The following ROBO1 variants were observed in gnomAD, a reference collection of about 807,000 sequenced individuals.
ROBO1 encodes the protein roundabout guidance receptor 1, also known as roundabout homolog 1.
In ROBO1, 149 loss-of-function variants were observed where a neutral mutation model predicts 195.9. The ratio of observed to expected loss-of-function variants is 0.76; its 90% CI spans 0.67 to 0.87. The LOEUF (loss-of-function observed/expected upper bound fraction) is 0.87. ROBO1 is among the 40% of genes least tolerant of loss of function. The probability of loss-of-function intolerance (pLI) is 0.00; values close to 1 mark genes in which losing one functional copy is unlikely to be tolerated. For synonymous variants in ROBO1, 816 were observed against 733.2 expected (o/e 1.11, Z -1.82); for missense variants, 1,933 against 2,068.3 (o/e 0.93, Z 1.27).
At chr3:78,775,830 A>G (rs1299683186) in intron 4 of ROBO1, among the ~76,000 whole-genome samples, 2 of 152,188 alleles carry the variant, frequency 1.3e-5, no homozygotes, top group African/African-American at 4.8e-5. Context: ...CAGTTGCCTT[A>G]GCTGTTGATT....
At chr3:79,313,600 T>G (rs1309050293) in intron 2 of ROBO1, among the ~76,000 whole-genome samples, 1 of 152,304 alleles carries the variant, frequency 6.6e-6, no homozygotes, top group South Asian at 2.1e-4. Context: ...AGAAAGATTA[T>G]ATATTGATCT....
chr3:78,705,909 C>A (rs2081539663), intron 8 of ROBO1, among the ~76,000 whole-genome samples: 1 of 152,066 alleles, frequency 6.6e-6, no homozygotes, highest in African/African-American at 2.4e-5. Flanking sequence ...TTGACCCCCC[C>A]ATACCAATAC....
At chr3:79,232,659 C>G (rs2082341062) in intron 2 of ROBO1, among the ~76,000 whole-genome samples, 1 of 152,046 alleles carries the variant, frequency 6.6e-6, no homozygotes, top group South Asian at 2.1e-4. Context: ...AAAGATTATT[C>G]AACTTTCCAT....
intron 2 of ROBO1, among the ~76,000 whole-genome samples, chr3:79,268,379 A>G (rs1346437681): frequency 6.6e-6 from 1 of 151,670 alleles, no homozygotes; most frequent in Non-Finnish European, 1.5e-5. Flanking sequence ...TTCAATTTCA[A>G]AAGTAAAAAC....
intron 3 of ROBO1, among the ~76,000 whole-genome samples, chr3:79,001,148 C>T (rs2108132464): frequency 6.6e-6 from 1 of 152,086 alleles, no homozygotes; most frequent in South Asian, 2.1e-4. Context: ...GGAGGGAGAG[C>T]ATTAGGACAA....
At chr3:79,164,907 A>C (rs2081035798) in intron 2 of ROBO1, among the ~76,000 whole-genome samples, 1 of 152,156 alleles carries the variant, frequency 6.6e-6, no homozygotes, top group Admixed American at 6.5e-5. Context: ...ATTTTTCTCA[A>C]ATATTACCTT....
chr3:79,183,466 G>A (rs1025529336), intron 2 of ROBO1, among the ~76,000 whole-genome samples: 1 of 152,240 alleles, frequency 6.6e-6, no homozygotes, highest in Non-Finnish European at 1.5e-5. Context: ...TTGAGGAATG[G>A]AAAATGTAGC....
chr3:78,653,006 C>T (rs1237594588), intron 18 of ROBO1, among the ~76,000 whole-genome samples: 1 of 152,066 alleles, frequency 6.6e-6, no homozygotes, highest in African/African-American at 2.4e-5. Context: ...GTTCTTCCCC[C>T]ACCACATCTG....
chr3:78,671,137 C>A (rs564553563), intron 10 of ROBO1, among the ~76,000 whole-genome samples: 54 of 152,106 alleles, frequency 3.6e-4, no homozygotes, highest in Admixed American at 1.0e-3. Context: ...ATACAATTAA[C>A]CCTATGATTA....
intron 3 of ROBO1, among the ~76,000 whole-genome samples, chr3:79,051,322 T>A (rs545254253): frequency 6.6e-6 from 1 of 152,242 alleles, no homozygotes; most frequent in Non-Finnish European, 1.5e-5. Flanking sequence ...ATGGATAAAT[T>A]CCTGGACACA....
At chr3:79,480,765 G>A (rs1392888260) in intron 2 of ROBO1, among the ~76,000 whole-genome samples, 1 of 151,994 alleles carries the variant, frequency 6.6e-6, no homozygotes, top group Middle Eastern at 3.2e-3. Flanking sequence ...TTTATGTGTG[G>A]GGATATTATC....
At chr3:79,217,232 G>T (rs752645181) in intron 2 of ROBO1, among the ~76,000 whole-genome samples, 13 of 152,014 alleles carry the variant, frequency 8.6e-5, no homozygotes, top group Non-Finnish European at 1.6e-4. Context: ...ATGAACAGCT[G>T]CAGGATTGCC....
At chr3:79,022,695 C>T (rs1018642878) in intron 3 of ROBO1, among the ~76,000 whole-genome samples, 3 of 152,202 alleles carry the variant, frequency 2.0e-5, no homozygotes, top group Admixed American at 2.0e-4. Context: ...GTAACTTGTA[C>T]TCAGGAACCC....
chr3:79,503,098 CT>C (rs1940194867), intron 2 of ROBO1, among the ~76,000 whole-genome samples: 1 of 152,128 alleles, frequency 6.6e-6, no homozygotes, highest in Admixed American at 6.5e-5. Context: ...TGCAATAAAT[CT>C]CGCTGCTGCT....
chr3:79,583,851 T>C (rs1943733738), intron 2 of ROBO1, among the ~76,000 whole-genome samples: 1 of 151,956 alleles, frequency 6.6e-6, no homozygotes. Context: ...AAAATGTAAA[T>C]TTAAAACAGA....
chr3:78,962,823 C>CAAAAAAAA lies in ROBO1; in HGVS notation c.173-23904_173-23897dup, dbSNP rs770515270. On this transcript the variant is annotated intron_variant, in intron 3 of 30. Coordinates refer to ENST00000464233, the MANE Select transcript of ROBO1 (RefSeq NM_002941.4). ...TGGGCGACAGAGTGAGACTCCATCT[C>CAAAAAAAA]AAAAAAAAAAAAAAAAAAAAAAAAA... Among the ~76,000 whole-genome samples the CAAAAAAAA allele has an allele frequency of 1.4e-3, 38 of 26,216 alleles. 2 individuals are homozygous for CAAAAAAAA. In the East Asian group the frequency reaches 0.017, roughly 12 times the overall value. 17.2% of individuals were successfully genotyped at this position (26,216 alleles called of 152,430 possible). A position where few individuals can be genotyped will look rare whatever the true frequency, so the allele number is the denominator to read the frequency against.
At chr3:79,043,682 C>T (rs1470562) in intron 3 of ROBO1, among the ~76,000 whole-genome samples, 149,817 of 152,242 alleles carry the variant, frequency 0.98, 73,769 homozygotes, top group Middle Eastern at 1. Context: ...CATCATTATG[C>T]TAGATTTAAG....
At chr3:79,250,659 A>C (rs2082711167) in intron 2 of ROBO1, among the ~76,000 whole-genome samples, 1 of 152,196 alleles carries the variant, frequency 6.6e-6, no homozygotes, top group African/African-American at 2.4e-5. Context: ...AAAAGAATAT[A>C]AAAAATGATA....
intron 2 of ROBO1, among the ~76,000 whole-genome samples, chr3:79,504,663 A>C (rs1250907362): frequency 6.6e-6 from 1 of 152,178 alleles, no homozygotes; most frequent in Non-Finnish European, 1.5e-5. Context: ...ACTAATACTT[A>C]TCTCTTAATT....
Sources: allele counts gnomAD v4.1 joint callset (sites outside exome capture counted in the v4.1 genomes callset), GRCh38; gene constraint gnomAD v4.1.1; transcripts MANE v1.5; gene names NCBI Gene and HGNC (gene_info 2026-07-23, HGNC 2026-07-21).